MIB1: variants seen among roughly 807,000 people sequenced by gnomAD.
MIB1 encodes the protein MIB E3 ubiquitin protein ligase 1.
Under a neutral mutation model 124.5 loss-of-function variants are expected in MIB1, and 278 were observed. That is an observed-to-expected ratio of 2.23 (90% CI 2.02 to 2.47). MIB1 has a LOEUF of 2.47. Ranked by LOEUF, MIB1 falls within the 30% of genes most tolerant of loss-of-function variation. The pLI is 0.00. For missense variants in MIB1, 957 were observed against 1,254.4 expected, an observed-to-expected ratio of 0.76 and a Z score of 3.58; for synonymous variants, 446 against 429.4, an observed-to-expected ratio of 1.04 and a Z score of -0.48.
In MIB1 at chr18:21,869,121, A is replaced by G. The variant is rs1210154558; in HGVS notation, c.*4455A>G. On this transcript the variant is annotated 3_prime_UTR_variant, in exon 21 of 21. Transcript: ENST00000261537. ...GTAGGTACAGGAGAAGTGACTTGTC[A>G]CATTAATTTGGTGCCTAAATCTGTA... The G allele has an allele frequency of 2.0e-5, 3 of 152,458 alleles. No homozygotes were observed. Among genetic ancestry groups the G allele is most frequent in the African/African-American group, 7.2e-5 (3 of 41,446 alleles). The allele number at this position is 152,458 out of a possible 1,614,324, so 9.4% of individuals were successfully genotyped here.
At position 21,864,810 on chromosome 18, in the gene MIB1, G is replaced by A; in HGVS notation, c.*144G>A. Reference sequence around the variant, plus strand: ...GTATAATTGGGCTGTAAATGTACCAGAACAAAAAACCCTACAAAATGGTGT... The same window carrying A: ...GTATAATTGGGCTGTAAATGTACCAAAACAAAAAACCCTACAAAATGGTGT... On this transcript the variant is annotated 3_prime_UTR_variant, in exon 21 of 21. Transcript: ENST00000261537. 3.8e-6 allele frequency: 2 copies of A among 525,674 alleles called. No homozygotes were observed. The highest frequency in any genetic ancestry group is 5.0e-4 in the Middle Eastern group (1 of 2,018). 32.6% of individuals were successfully genotyped at this position (525,674 alleles called of 1,614,324 possible). A position where few individuals can be genotyped will look rare whatever the true frequency, so the allele number is the denominator to read the frequency against.
intron 2 of MIB1, among the ~76,000 whole-genome samples, chr18:21,767,979 G>A (rs985515775): frequency 2.0e-5 from 3 of 152,158 alleles, no homozygotes; most frequent in African/African-American, 7.2e-5. Flanking sequence ...GTTTGTTCTT[G>A]GCAACAGTTT....
At chr18:21,812,321 C>T (rs1013764673) in intron 10 of MIB1, 1 of 152,084 alleles carries the variant, frequency 6.6e-6, no homozygotes. Flanking sequence ...ACGTAGGTCT[C>T]TAAAGAGATT....
chr18:21,853,363 C>G (rs1458086375), intron 18 of MIB1, 145 bp downstream of exon 18: 1 of 620,010 alleles, frequency 1.6e-6, no homozygotes, highest in Non-Finnish European at 2.8e-6. Context: ...ATTTCTTTCT[C>G]TGTACTAGAA....
intron 1 of MIB1, among the ~76,000 whole-genome samples, chr18:21,720,356 A>C (rs2040708879): frequency 6.6e-6 from 1 of 152,242 alleles, no homozygotes; most frequent in South Asian, 2.1e-4. Flanking sequence ...ACCATCAGGA[A>C]CACATGATCA....
chr18:21,776,610 G>A (rs756528138), intron 4 of MIB1, among the ~76,000 whole-genome samples: 2 of 152,162 alleles, frequency 1.3e-5, no homozygotes, highest in Non-Finnish European at 2.9e-5. Flanking sequence ...CCCCCATTCA[G>A]ATACTTAGTA....
chr18:21,815,232 G>A (rs1407214780), intron 10 of MIB1, among the ~76,000 whole-genome samples: 3 of 151,260 alleles, frequency 2.0e-5, no homozygotes, highest in African/African-American at 4.9e-5. Context: ...GCAGTGGTGC[G>A]ATCATAGCTC....
chr18:21,768,754 T>G lies in MIB1; in HGVS notation c.531+2T>G. 1.2e-6 allele frequency: 2 copies of G among 1,608,064 alleles called. No homozygotes were observed. Among genetic ancestry groups the G allele is most frequent in the South Asian group, 1.1e-5 (1 of 90,116 alleles). On this transcript the variant is annotated splice_donor_variant, in intron 3 of 20. Transcript: ENST00000261537. LOFTEE classifies it high-confidence loss of function. Reference sequence around the variant, plus strand: ...GGAGGAAATGGACGTAGGGGAAAGGTACAGTGTTTCTCTGAATTCATTATG... The same window carrying G: ...GGAGGAAATGGACGTAGGGGAAAGGGACAGTGTTTCTCTGAATTCATTATG...
chr18:21,764,833 G>A (rs73963247), intron 1 of MIB1, among the ~76,000 whole-genome samples: 4,649 of 152,092 alleles, frequency 0.031, 237 homozygotes, highest in African/African-American at 0.11. Flanking sequence ...AAATACAGAC[G>A]GAGTCAGAAC....
chr18:21,784,966 C>T (rs2041417490), intron 6 of MIB1, among the ~76,000 whole-genome samples: 1 of 152,230 alleles, frequency 6.6e-6, no homozygotes, highest in Non-Finnish European at 1.5e-5. Context: ...GGTCCACTTT[C>T]ATGTTTCGCC....
At chr18:21,797,057 ATAAT>A (rs1412362283) in intron 7 of MIB1, among the ~76,000 whole-genome samples, 1 of 152,218 alleles carries the variant, frequency 6.6e-6, no homozygotes, top group East Asian at 1.9e-4. Context: ...CAAAAAATTG[ATAAT>A]TTATGAGGTA....
At chr18:21,814,025 T>A (rs1028670630) in intron 10 of MIB1, among the ~76,000 whole-genome samples, 2 of 152,238 alleles carry the variant, frequency 1.3e-5, no homozygotes, top group Non-Finnish European at 2.9e-5. Flanking sequence ...TGGTATAAGC[T>A]ATGTATACTA....
chr18:21,802,005 G>A (rs2041655559), intron 9 of MIB1, among the ~76,000 whole-genome samples: 1 of 152,042 alleles, frequency 6.6e-6, no homozygotes, highest in African/African-American at 2.4e-5. Flanking sequence ...TTCTGAGAAA[G>A]GATGCATGGG....
chr18:21,787,583 C>G (rs1568201848), intron 6 of MIB1, among the ~76,000 whole-genome samples: 1 of 152,030 alleles, frequency 6.6e-6, no homozygotes, highest in Non-Finnish European at 1.5e-5. Flanking sequence ...ACTGTGATTC[C>G]TGGGGGAATT....
chr18:21,723,779 G>T (rs56356453), intron 1 of MIB1, among the ~76,000 whole-genome samples: 4,893 of 152,072 alleles, frequency 0.032, 290 homozygotes, highest in African/African-American at 0.11. Flanking sequence ...CTCCCAAAGT[G>T]TTGGGATTAC....
chr18:21,832,034 T>C (rs951416386), intron 12 of MIB1, among the ~76,000 whole-genome samples: 2 of 152,306 alleles, frequency 1.3e-5, no homozygotes, highest in East Asian at 3.9e-4. Flanking sequence ...ATGGAAAATG[T>C]ATAGAAATGG....
chr18:21,832,033 G>A (rs202146621), intron 12 of MIB1, among the ~76,000 whole-genome samples: 18 of 152,302 alleles, frequency 1.2e-4, no homozygotes, highest in Non-Finnish European at 2.2e-4. Context: ...AATGGAAAAT[G>A]TATAGAAATG....
At chr18:21,790,026 T>A (rs1198341092) in intron 6 of MIB1, among the ~76,000 whole-genome samples, 2 of 152,222 alleles carry the variant, frequency 1.3e-5, no homozygotes, top group African/African-American at 4.8e-5. Flanking sequence ...ATTTTGAAGA[T>A]GATAGCAGCG....
intron 7 of MIB1, 137 bp from the exon 8 acceptor site, chr18:21,797,947 A>G (rs2041603160): frequency 1.7e-5 from 12 of 697,924 alleles, no homozygotes; most frequent in Non-Finnish European, 2.6e-5. Flanking sequence ...CAAATAACCC[A>G]TTTCAGTATG....
Sources: allele counts gnomAD v4.1 joint callset (sites outside exome capture counted in the v4.1 genomes callset), GRCh38; gene constraint gnomAD v4.1.1; transcripts MANE v1.5; gene names NCBI Gene and HGNC (gene_info 2026-07-23, HGNC 2026-07-21).